ST7L: variants seen among roughly 807,000 people sequenced by gnomAD.
ST7L encodes the protein suppression of tumorigenicity 7 like, also known as suppressor of tumorigenicity 7 protein-like.
ST7L carries 57 observed loss-of-function variants against 72.5 expected under a neutral mutation model. The ratio of observed to expected loss-of-function variants is 0.79; its 90% CI spans 0.64 to 0.98. The LOEUF (loss-of-function observed/expected upper bound fraction) is 0.98, where lower values mean the gene tolerates loss of function less well. Among genes scored for constraint, ST7L ranks in the 50% least tolerant of loss-of-function variants. The pLI is 0.00. For synonymous variants in ST7L, 221 were observed against 240.9 expected (o/e 0.92, Z 0.77); for missense variants, 576 against 672.2 (o/e 0.86, Z 1.58).
intron 12 of ST7L, among the ~76,000 whole-genome samples, chr1:112,553,143 C>T (rs1490794867): frequency 6.6e-6 from 1 of 151,832 alleles, no homozygotes; most frequent in Non-Finnish European, 1.5e-5. Context: ...AGCTTATGGA[C>T]TACTGGAGAA....
chr1:112,617,717 TCACACACACACACACACACA>T (rs56216561), intron 1 of ST7L, among the ~76,000 whole-genome samples: 1 of 126,432 alleles, frequency 7.9e-6, no homozygotes, highest in Non-Finnish European at 1.6e-5. Flanking sequence ...TTTCTCTCTC[TCACACACACACACACACACA>T]CACACACACA....
In ST7L at chr1:112,591,339, A is replaced by T. The variant is rs747141150; in HGVS notation, c.701+186T>A. 7.2e-6 allele frequency: 4 copies of T among 555,970 alleles called. No individual in the cohort carries two copies. In the South Asian group the frequency reaches 9.9e-5, roughly 14 times the overall value. The allele number at this position is 555,970 out of a possible 1,614,324, so 34.4% of individuals were successfully genotyped here. ...AATTTCTATTCAAAAGCATATATAGATTTACAATTTCAGAAGCAAAATACA... is the reference window on the plus strand; with the variant it reads ...AATTTCTATTCAAAAGCATATATAGTTTTACAATTTCAGAAGCAAAATACA... On this transcript the variant is annotated intron_variant, in intron 6 of 14. Coordinates refer to ENST00000358039, the MANE Select transcript of ST7L (RefSeq NM_017744.5).
intron 13 of ST7L, among the ~76,000 whole-genome samples, chr1:112,547,193 CTTTT>C (rs759140130): frequency 5.8e-5 from 8 of 137,498 alleles, no homozygotes; most frequent in Admixed American, 7.4e-5. Context: ...TTCTTTCTTT[CTTTT>C]TTTTTTTTTT....
At chr1:112,570,665 CCTTTAT>C in intron 11 of ST7L, 1 of 442,696 alleles carries the variant, frequency 2.3e-6, no homozygotes, top group South Asian at 1.6e-5. Context: ...CCCCTAAATC[CCTTTAT>C]GTTTGCTTGC....
chr1:112,578,789 C>G (rs1352227385), intron 9 of ST7L, among the ~76,000 whole-genome samples: 1 of 151,504 alleles, frequency 6.6e-6, no homozygotes, highest in Non-Finnish European at 1.5e-5. Context: ...AAAAACAAAA[C>G]AAAACAAAAC....
rs1412747423 is a variant in ST7L at position 112,542,028 on chromosome 1, C to T, written c.1552G>A (p.Gly518Arg). The stretch of plus-strand genomic sequence containing the variant: ...ATCATTGCTGTAGAAGAGCAAAATC[C>T]TGCTGTGAAATGGATGAACAAAGGA... ...ELPLFIHFTA[G>R]FCSSTAMIAI... is the part of the protein sequence containing the mutation. Residue 518 changes from glycine (G) to arginine (R), a missense_variant, in exon 14 of 15, where the codon GGA becomes AGA. Physicochemically the swap from Gly to Arg is moderately radical, Grantham distance 125. This residue lies in a region of ST7L where 511 missense variants were observed against 600.7 expected (regional missense o/e 0.85). Coordinates refer to ENST00000358039, the MANE Select transcript of ST7L (RefSeq NM_017744.5). 2.5e-6 allele frequency: 4 copies of T among 1,613,506 alleles called. No individual in the cohort carries two copies. Among genetic ancestry groups the T allele is most frequent in the Middle Eastern group, 1.6e-4 (1 of 6,080 alleles).
intron 14 of ST7L, among the ~76,000 whole-genome samples, chr1:112,538,433 C>T (rs1655550788): frequency 6.6e-6 from 1 of 152,124 alleles, no homozygotes; most frequent in South Asian, 2.1e-4. Context: ...GCCTCCACCT[C>T]CCAGGCTCAA....
chr1:112,587,223 C>T (rs558653936), intron 6 of ST7L, among the ~76,000 whole-genome samples: 4 of 152,262 alleles, frequency 2.6e-5, no homozygotes, highest in South Asian at 4.1e-4. Flanking sequence ...CACCTTTATG[C>T]TTTTATGTAT....
chr1:112,554,605 GC>G (rs559750573), intron 12 of ST7L, among the ~76,000 whole-genome samples: 219 of 152,226 alleles, frequency 1.4e-3, no homozygotes, highest in Non-Finnish European at 2.5e-3. Context: ...TTATGATCCA[GC>G]AATTCCCTTT....
At chr1:112,583,098 T>C (rs906212608) in intron 7 of ST7L, among the ~76,000 whole-genome samples, 5 of 152,194 alleles carry the variant, frequency 3.3e-5, no homozygotes, top group African/African-American at 4.8e-5. Flanking sequence ...TACAAAATTA[T>C]ATATTCCCAC....
intron 3 of ST7L, among the ~76,000 whole-genome samples, chr1:112,606,314 A>G (rs1668234471): frequency 1.3e-5 from 2 of 152,208 alleles, no homozygotes; most frequent in Admixed American, 1.3e-4. Context: ...AAGCAGTCAG[A>G]AGAAACTAAG....
chr1:112,615,778 C>T (rs763944365), intron 2 of ST7L, among the ~76,000 whole-genome samples: 5 of 152,100 alleles, frequency 3.3e-5, no homozygotes, highest in South Asian at 2.1e-4. Flanking sequence ...TTCTCTCTGT[C>T]GCCCAGGCTG....
chr1:112,611,229 C>T (rs1382928883), intron 2 of ST7L, among the ~76,000 whole-genome samples: 4 of 152,162 alleles, frequency 2.6e-5, no homozygotes, highest in Non-Finnish European at 5.9e-5. Context: ...TTAAGCAAAA[C>T]TAGGCATATG....
upstream of ST7L, chr1:112,619,231 G>C (rs188850321): frequency 4.1e-5 from 38 of 934,590 alleles, no homozygotes; most frequent in African/African-American, 5.6e-4. Flanking sequence ...GAGTCCTGGG[G>C]AACCGGGACC....
At chr1:112,572,447 C>CTG (rs1237376722) in intron 11 of ST7L, among the ~76,000 whole-genome samples, 1 of 152,110 alleles carries the variant, frequency 6.6e-6, no homozygotes, top group African/African-American at 2.4e-5. Flanking sequence ...CTTTGGAAAT[C>CTG]TGTTGTTTCT....
chr1:112,557,106 T>A (rs1659329728), intron 11 of ST7L, among the ~76,000 whole-genome samples: 1 of 151,650 alleles, frequency 6.6e-6, no homozygotes, highest in African/African-American at 2.4e-5. Context: ...ATAATTCACA[T>A]ACCTTAGAAT....
intron 13 of ST7L, among the ~76,000 whole-genome samples, chr1:112,547,234 C>T (rs1657236783): frequency 6.6e-6 from 1 of 150,786 alleles, no homozygotes; most frequent in African/African-American, 2.4e-5. Flanking sequence ...GCTTTGTCAC[C>T]CAGGCTGGAG....
intron 14 of ST7L, chr1:112,540,893 TA>T: frequency 3.2e-6 from 4 of 1,245,440 alleles, no homozygotes; most frequent in Non-Finnish European, 4.2e-6. Flanking sequence ...TGCAAAGATG[TA>T]CAAGAAAGAT....
intron 14 of ST7L, 34 bp from the exon 15 acceptor site, chr1:112,526,145 C>T (rs1360081006): frequency 6.2e-7 from 1 of 1,613,534 alleles, no homozygotes; most frequent in Admixed American, 1.7e-5. Context: ...AATGTTCAAG[C>T]CCTGTAGGAG....
Sources: allele counts gnomAD v4.1 joint callset (sites outside exome capture counted in the v4.1 genomes callset), GRCh38; gene constraint gnomAD v4.1.1; regional missense constraint gnomAD v4.1.1; transcripts MANE v1.5; gene names NCBI Gene and HGNC (gene_info 2026-07-23, HGNC 2026-07-21).